CTNNA3: variants seen among roughly 807,000 people sequenced by gnomAD.
The protein encoded by CTNNA3 is catenin alpha 3.
In CTNNA3, 76 loss-of-function variants were observed where a neutral mutation model predicts 95.7. The ratio of observed to expected loss-of-function variants is 0.79; its 90% confidence interval spans 0.66 to 0.96. CTNNA3 has a LOEUF of 0.96. Ranked by LOEUF, CTNNA3 falls within the 40% of genes least tolerant of loss-of-function variation. CTNNA3 has a pLI of 0.00. For synonymous variants in CTNNA3, 431 were observed against 374.4 expected, an observed-to-expected ratio of 1.15 and a Z score of -1.74; for missense variants, 1,191 against 1,089.8, an observed-to-expected ratio of 1.09 and a Z score of -1.31.
At chr10:66,443,679 G>A (rs12253420) in intron 11 of CTNNA3, among the ~76,000 whole-genome samples, 57,815 of 151,544 alleles carry the variant, frequency 0.38, 11,601 homozygotes, top group African/African-American at 0.5. Context: ...TCTGTACGTT[G>A]CCATCATCAA....
chr10:67,107,818 G>A (rs1293341425), intron 7 of CTNNA3, among the ~76,000 whole-genome samples: 1 of 152,028 alleles, frequency 6.6e-6, no homozygotes, highest in African/African-American at 2.4e-5. Flanking sequence ...GTCACACAGA[G>A]GTTCCAGTCC....
rs896670734 is a variant in CTNNA3, at chr10:66,498,905, C to G, written c.1531+21712G>C. On this transcript the variant is annotated intron_variant, in intron 11 of 17. Transcript: ENST00000433211. ...TGAAACATAAACAGAGTAAATTTTG[C>G]CCTTGATCACTTTGGACGTTACTCC... 5.9e-5 allele frequency among the ~76,000 whole-genome samples: 9 copies of G among 152,206 alleles called. No individual in the cohort carries two copies. In the East Asian group the frequency reaches 1.5e-3, roughly 26 times the overall value.
chr10:66,735,738 A>T (rs1450935593), intron 9 of CTNNA3, among the ~76,000 whole-genome samples: 1 of 152,094 alleles, frequency 6.6e-6, no homozygotes, highest in Non-Finnish European at 1.5e-5. Flanking sequence ...TTAATTGAAG[A>T]GGATATTATA....
At chr10:67,051,465 T>C (rs1183734848) in intron 7 of CTNNA3, among the ~76,000 whole-genome samples, 1 of 2,574 alleles carries the variant, frequency 3.9e-4, no homozygotes, top group Non-Finnish European at 1.7e-3. Context: ...TCTTTTTTCT[T>C]TTTTTTTTTT....
intron 13 of CTNNA3, among the ~76,000 whole-genome samples, chr10:66,274,403 C>T (rs1053768568): frequency 2.0e-5 from 3 of 151,984 alleles, no homozygotes; most frequent in African/African-American, 7.3e-5. Flanking sequence ...AATATGCCAC[C>T]TGCTGATCTA....
At chr10:66,950,817 A>G (rs1003921307) in intron 7 of CTNNA3, among the ~76,000 whole-genome samples, 1 of 152,206 alleles carries the variant, frequency 6.6e-6, no homozygotes, top group Non-Finnish European at 1.5e-5. Flanking sequence ...TGAGGGGCAT[A>G]GAGAGAGATT....
At chr10:66,335,472 T>C (rs1468447978) in intron 12 of CTNNA3, among the ~76,000 whole-genome samples, 1 of 152,140 alleles carries the variant, frequency 6.6e-6, no homozygotes, top group African/African-American at 2.4e-5. Context: ...GCTGCAGATC[T>C]GTTGGAGTTT....
At chr10:67,020,390 A>G (rs1458457410) in intron 7 of CTNNA3, among the ~76,000 whole-genome samples, 2 of 152,132 alleles carry the variant, frequency 1.3e-5, no homozygotes, top group Non-Finnish European at 2.9e-5. Flanking sequence ...CTGAGCTTTT[A>G]TTATCTTCTC....
At chr10:66,508,955 C>A (rs1840560830) in intron 11 of CTNNA3, among the ~76,000 whole-genome samples, 1 of 152,022 alleles carries the variant, frequency 6.6e-6, no homozygotes, top group Non-Finnish European at 1.5e-5. Context: ...TTTTGAGGAA[C>A]CTCCACACTC....
chr10:66,559,156 A>G (rs370265293), intron 10 of CTNNA3, among the ~76,000 whole-genome samples: 4 of 152,144 alleles, frequency 2.6e-5, no homozygotes, highest in African/African-American at 7.2e-5. Context: ...GTTATTACCT[A>G]TACAAATCAT....
chr10:67,335,891 T>C (rs2616698), intron 5 of CTNNA3, among the ~76,000 whole-genome samples: 1 of 150,372 alleles, frequency 6.7e-6, no homozygotes, highest in Non-Finnish European at 1.5e-5. Flanking sequence ...ATAGTGTTTT[T>C]TTTTTTTTTT....
In CTNNA3 at chr10:66,876,997, A is replaced by G. The variant is rs552615346; in HGVS notation, c.1048-101473T>C. ...TGGGAAGCCCTGAGTCACATAATTC[A>G]AAAAGCAGTATTGCTCTCTGCCTTT... On this transcript the variant is annotated intron_variant, in intron 7 of 17. Transcript: ENST00000433211. Among the ~76,000 whole-genome samples the G allele has an allele frequency of 4.1e-4, 62 of 152,248 alleles. 1 individual carries two copies. Among genetic ancestry groups the G allele is most frequent in the African/African-American group, 1.3e-3 (56 of 41,558 alleles).
intron 13 of CTNNA3, among the ~76,000 whole-genome samples, chr10:66,209,919 G>C (rs898951976): frequency 6.6e-6 from 1 of 152,092 alleles, no homozygotes; most frequent in African/African-American, 2.4e-5. Flanking sequence ...GCAAAAGTAA[G>C]AGAGACAGAG....
intron 11 of CTNNA3, among the ~76,000 whole-genome samples, chr10:66,485,595 A>G (rs909528213): frequency 1.3e-5 from 2 of 152,172 alleles, no homozygotes; most frequent in Non-Finnish European, 2.9e-5. Context: ...ATTGAAAAAG[A>G]CACAAATAAA....
chr10:66,142,164 G>A (rs1345366276), intron 13 of CTNNA3, among the ~76,000 whole-genome samples: 1 of 152,042 alleles, frequency 6.6e-6, no homozygotes, highest in South Asian at 2.1e-4. Context: ...TCCATTTTTA[G>A]TTAGTGTTTG....
At chr10:66,762,866 C>CT (rs1295063854) in intron 9 of CTNNA3, among the ~76,000 whole-genome samples, 1 of 152,012 alleles carries the variant, frequency 6.6e-6, no homozygotes, top group African/African-American at 2.4e-5. Flanking sequence ...TAAATATGGG[C>CT]TTTTTTCTCA....
At chr10:67,325,824 G>A (rs1332016305) in intron 5 of CTNNA3, among the ~76,000 whole-genome samples, 1 of 152,090 alleles carries the variant, frequency 6.6e-6, no homozygotes, top group Non-Finnish European at 1.5e-5. Flanking sequence ...AATATTGTTA[G>A]TGGGGTGTTA....
At chr10:66,051,318 G>A (rs907710346) in intron 15 of CTNNA3, among the ~76,000 whole-genome samples, 3 of 152,146 alleles carry the variant, frequency 2.0e-5, no homozygotes, top group Non-Finnish European at 4.4e-5. Flanking sequence ...TTTTTTAAAT[G>A]CATGCATGAA....
At chr10:67,720,128 G>GA (rs1564839853) in intron 1 of CTNNA3, among the ~76,000 whole-genome samples, 1 of 2,660 alleles carries the variant, frequency 3.8e-4, no homozygotes, top group Non-Finnish European at 1.2e-3. Flanking sequence ...TGCAACCCCT[G>GA]CTTTTTTTTT....
Sources: gnomAD v4.1 joint callset for allele counts (sites outside exome capture counted in the v4.1 genomes callset) on GRCh38, gnomAD v4.1.1 for gene constraint, MANE v1.5 for transcripts, NCBI Gene and HGNC (gene_info 2026-07-23, HGNC 2026-07-21) for gene names.